The following LRRC4C variants were observed in gnomAD, a reference collection of about 807,000 sequenced individuals.
LRRC4C encodes leucine rich repeat containing 4C, also known as leucine-rich repeat-containing protein 4C.
Under a neutral mutation model 33.6 loss-of-function variants are expected in LRRC4C, and 5 were observed. The ratio of observed to expected loss-of-function variants is 0.15; its 90% CI spans 0.08 to 0.31. The LOEUF is 0.31. LRRC4C is among the 10% of genes least tolerant of loss of function. The pLI, the probability that LRRC4C is intolerant of heterozygous loss-of-function variation, is 1.00. For missense variants in LRRC4C, 560 were observed against 796.7 expected (o/e 0.70, Z 3.58); for synonymous variants, 329 against 302.0 (o/e 1.09, Z -0.93).
At chr11:40,794,652 A>G (rs2135200614) in intron 2 of LRRC4C, among the ~76,000 whole-genome samples, 1 of 152,312 alleles carries the variant, frequency 6.6e-6, no homozygotes, top group Admixed American at 6.5e-5. Flanking sequence ...ACTACTTTCT[A>G]AAGGGCCTTG....
chr11:40,300,441 A>G (rs1191510488), intron 4 of LRRC4C, among the ~76,000 whole-genome samples: 3 of 152,262 alleles, frequency 2.0e-5, no homozygotes, highest in African/African-American at 7.2e-5. Flanking sequence ...TTACCCAAAG[A>G]TTAACAGAGT....
At chr11:40,971,805 G>C (rs1851745950) in intron 1 of LRRC4C, among the ~76,000 whole-genome samples, 1 of 152,162 alleles carries the variant, frequency 6.6e-6, no homozygotes, top group Non-Finnish European at 1.5e-5. Context: ...AGCCATAGGA[G>C]CCCACCTCTT....
intron 3 of LRRC4C, among the ~76,000 whole-genome samples, chr11:40,325,018 T>C (rs1432935492): frequency 6.6e-6 from 1 of 152,200 alleles, no homozygotes; most frequent in Non-Finnish European, 1.5e-5. Flanking sequence ...ATGCTCAAAA[T>C]TACTATTAGT....
chr11:40,556,488 T>C (rs1016026496), intron 3 of LRRC4C, among the ~76,000 whole-genome samples: 2 of 152,222 alleles, frequency 1.3e-5, no homozygotes, highest in African/African-American at 2.4e-5. Flanking sequence ...ACCTGTTGTT[T>C]GCCCCAAATG....
intron 3 of LRRC4C, among the ~76,000 whole-genome samples, chr11:40,583,216 CTAAGGTTATTACCTA>C (rs1250096071): frequency 2.0e-5 from 3 of 152,162 alleles, no homozygotes; most frequent in Admixed American, 2.0e-4. Context: ...TAACATTCTT[CTAAGGTTATTACCTA>C]TGAAATCCCA....
chr11:40,705,370 C>A lies in LRRC4C; in HGVS notation c.-406-57092G>T, dbSNP rs185249433. ...ATCCCTCCCCCATCCCCTCAAGCCA[C>A]GACAGGGCCGGGTGTGTGATGTTCC... On this transcript the variant is annotated intron_variant, in intron 2 of 6. Transcript: ENST00000528697. Among the ~76,000 whole-genome samples the A allele has an allele frequency of 5.4e-3, 824 of 151,846 alleles. 7 individuals carry two copies. The highest frequency in any genetic ancestry group is 0.019 in the African/African-American group (767 of 41,392).
At chr11:40,556,132 A>C (rs1466915450) in intron 3 of LRRC4C, among the ~76,000 whole-genome samples, 2 of 152,240 alleles carry the variant, frequency 1.3e-5, no homozygotes, top group Admixed American at 6.5e-5. Context: ...CAAAGAAAAC[A>C]ATAAAACAGA....
At chr11:40,443,749 A>C (rs1364558745) in intron 3 of LRRC4C, among the ~76,000 whole-genome samples, 1 of 152,194 alleles carries the variant, frequency 6.6e-6, no homozygotes, top group Non-Finnish European at 1.5e-5. Flanking sequence ...AGAAAAATAA[A>C]ATTTTAAAAA....
At chr11:40,963,514 CA>C (rs906474993) in intron 1 of LRRC4C, among the ~76,000 whole-genome samples, 4 of 151,718 alleles carry the variant, frequency 2.6e-5, no homozygotes, top group African/African-American at 9.7e-5. Context: ...TGAATTTCAA[CA>C]ACAATGCTTC....
intron 1 of LRRC4C, among the ~76,000 whole-genome samples, chr11:41,260,542 T>C (rs2136725697): frequency 6.6e-6 from 1 of 152,048 alleles, no homozygotes; most frequent in East Asian, 1.9e-4. Context: ...TAAGACCCAC[T>C]GTTAAGCACC....
intron 3 of LRRC4C, among the ~76,000 whole-genome samples, chr11:40,455,114 G>A (rs1952071405): frequency 6.6e-6 from 1 of 152,152 alleles, no homozygotes; most frequent in African/African-American, 2.4e-5. Context: ...AAAAGAGTAA[G>A]TGAGCGCCAA....
chr11:40,894,071 T>A (rs1289827336), intron 2 of LRRC4C, among the ~76,000 whole-genome samples: 3 of 152,168 alleles, frequency 2.0e-5, no homozygotes, highest in African/African-American at 7.2e-5. Context: ...TTCAGTTTGT[T>A]AATTGAATTC....
chr11:40,333,145 A>G (rs1455886658), intron 3 of LRRC4C, among the ~76,000 whole-genome samples: 1 of 152,120 alleles, frequency 6.6e-6, no homozygotes, highest in African/African-American at 2.4e-5. Context: ...TCTCACTTTC[A>G]ATTTTTTTTT....
intron 5 of LRRC4C, among the ~76,000 whole-genome samples, chr11:40,161,711 C>T (rs530004357): frequency 4.6e-5 from 7 of 152,110 alleles, no homozygotes; most frequent in Non-Finnish European, 7.4e-5. Flanking sequence ...GAGCCGAGAT[C>T]GCGCCACTGC....
intron 1 of LRRC4C, among the ~76,000 whole-genome samples, chr11:41,368,683 A>T (rs1272124086): frequency 1.3e-5 from 2 of 152,236 alleles, no homozygotes; most frequent in Non-Finnish European, 2.9e-5. Context: ...CTAAGGGCAT[A>T]GACAGTTCAT....
chr11:40,181,318 GA>G (rs1565098947), intron 5 of LRRC4C, among the ~76,000 whole-genome samples: 1 of 151,918 alleles, frequency 6.6e-6, no homozygotes, highest in African/African-American at 2.4e-5. Context: ...AGAAAGGGAA[GA>G]AAAAAAGAGA....
At chr11:41,337,998 C>T (rs557342097) in intron 1 of LRRC4C, among the ~76,000 whole-genome samples, 1 of 152,150 alleles carries the variant, frequency 6.6e-6, no homozygotes, top group Non-Finnish European at 1.5e-5. Context: ...CCATCCCATC[C>T]CAATCACAAT....
At chr11:41,050,900 T>C (rs1858158559) in intron 1 of LRRC4C, among the ~76,000 whole-genome samples, 1 of 152,184 alleles carries the variant, frequency 6.6e-6, no homozygotes, top group Admixed American at 6.5e-5. Flanking sequence ...GAGAAGGCTA[T>C]AAGCAAAGAA....
chr11:40,235,240 G>A (rs1355101738), intron 5 of LRRC4C, among the ~76,000 whole-genome samples: 3 of 152,162 alleles, frequency 2.0e-5, no homozygotes. Context: ...ACACAATTAT[G>A]CAGATTAAAC....
Sources: allele counts gnomAD v4.1 joint callset (sites outside exome capture counted in the v4.1 genomes callset), GRCh38; gene constraint gnomAD v4.1.1; transcripts MANE v1.5; gene names NCBI Gene and HGNC (gene_info 2026-07-23, HGNC 2026-07-21).